Variants in NRG1 observed in about 807,000 individuals in gnomAD.
The protein encoded by NRG1 is neuregulin 1.
Under a neutral mutation model 63.8 loss-of-function variants are expected in NRG1, and 18 were observed. The observed-to-expected ratio is 0.28, with a 90% confidence interval of 0.19 to 0.42. NRG1 has a LOEUF of 0.42. NRG1 is among the 10% of genes least tolerant of loss of function. The probability of loss-of-function intolerance (pLI) is 1.00; values close to 1 mark genes in which losing one functional copy is unlikely to be tolerated. For synonymous variants in NRG1, 302 were observed against 301.3 expected (o/e 1.00, Z -0.02); for missense variants, 762 against 814.7 (o/e 0.94, Z 0.79).
chr8:32,572,186 G>A (rs1048835796), intron 1 of NRG1, among the ~76,000 whole-genome samples: 1 of 152,074 alleles, frequency 6.6e-6, no homozygotes, highest in Non-Finnish European at 1.5e-5. Flanking sequence ...GACATAAGTG[G>A]CACACTCCTG....
chr8:32,544,679 C>CTTTTTTTTTTTTTT (rs755780220), upstream of NRG1, among the ~76,000 whole-genome samples: 2 of 80,434 alleles, frequency 2.5e-5, no homozygotes, highest in African/African-American at 4.8e-5. Context: ...ATTTTTGTAT[C>CTTTTTTTTTTTTTT]TTTTTTTTTT....
At chr8:32,631,123 A>G (rs1000251117) in intron 5 of NRG1, among the ~76,000 whole-genome samples, 1 of 152,126 alleles carries the variant, frequency 6.6e-6, no homozygotes, top group African/African-American at 2.4e-5. Flanking sequence ...CTTTTATACC[A>G]GTTGTAATTT....
At chr8:31,809,667 C>CTGTAATGT (rs1265561909) in intron 1 of NRG1, among the ~76,000 whole-genome samples, 1 of 147,862 alleles carries the variant, frequency 6.8e-6, no homozygotes, top group East Asian at 2.0e-4. Context: ...TTCTTAATGG[C>CTGTAATGT]TGTAATGTAT....
At chr8:31,962,691 C>A (rs770352493) in intron 1 of NRG1, among the ~76,000 whole-genome samples, 1 of 152,148 alleles carries the variant, frequency 6.6e-6, no homozygotes, top group Non-Finnish European at 1.5e-5. Flanking sequence ...AATACACAAG[C>A]AATCAATATC....
At chr8:32,418,880 T>A (rs1234356385) in intron 1 of NRG1, among the ~76,000 whole-genome samples, 1 of 152,226 alleles carries the variant, frequency 6.6e-6, no homozygotes, top group African/African-American at 2.4e-5. Flanking sequence ...ATGAGCTTCA[T>A]CCAGCACTGG....
chr8:31,855,077 A>G (rs973629632), intron 1 of NRG1, among the ~76,000 whole-genome samples: 2 of 152,084 alleles, frequency 1.3e-5, no homozygotes, highest in African/African-American at 4.8e-5. Context: ...GCTGAAAAAA[A>G]TGTATATTCT....
chr8:32,235,075 T>C (rs747596760), intron 1 of NRG1, among the ~76,000 whole-genome samples: 18 of 151,818 alleles, frequency 1.2e-4, no homozygotes, highest in Non-Finnish European at 2.5e-4. Context: ...GGATGAAACA[T>C]GTTTTGGTCC....
At chr8:32,356,474 A>ACCCCCCCCCCCCCCCCCGGGC (rs11426642) in intron 1 of NRG1, among the ~76,000 whole-genome samples, 17 of 69,332 alleles carry the variant, frequency 2.5e-4, no homozygotes, top group East Asian at 5.7e-4. Context: ...CCTTGTTGGG[A>ACCCCCCCCCCCCCCCCCGGGC]CCCCCCCCCC....
intron 3 of NRG1, among the ~76,000 whole-genome samples, chr8:32,610,471 G>C (rs563574647): frequency 8.5e-5 from 13 of 152,230 alleles, no homozygotes; most frequent in African/African-American, 2.6e-4. Context: ...GATCATAAAA[G>C]TCTTCTGCAA....
intron 1 of NRG1, among the ~76,000 whole-genome samples, chr8:32,236,111 T>C (rs2129469350): frequency 6.6e-6 from 1 of 151,270 alleles, no homozygotes; most frequent in African/African-American, 2.4e-5. Flanking sequence ...ATTAAGATTT[T>C]TTTGTTTTTG....
intron 1 of NRG1, among the ~76,000 whole-genome samples, chr8:31,748,306 T>C (rs1459057390): frequency 6.6e-6 from 1 of 151,970 alleles, no homozygotes; most frequent in African/African-American, 2.4e-5. Context: ...CATTAACTCA[T>C]TGAGTCCTCA....
At chr8:32,571,370 A>G (rs566706738) in intron 1 of NRG1, among the ~76,000 whole-genome samples, 53 of 152,282 alleles carry the variant, frequency 3.5e-4, no homozygotes, top group African/African-American at 1.2e-3. Context: ...TTTCAACAGC[A>G]TTTTCTTATC....
intron 1 of NRG1, among the ~76,000 whole-genome samples, chr8:32,300,936 C>G (rs1855506160): frequency 6.6e-6 from 1 of 152,204 alleles, no homozygotes. Context: ...TAAGCTACAT[C>G]TACATTCTTC....
intron 1 of NRG1, among the ~76,000 whole-genome samples, chr8:31,669,241 A>G (rs1038664448): frequency 7.2e-5 from 2 of 27,728 alleles, no homozygotes; most frequent in African/African-American, 1.4e-4. Context: ...TAATTTTTGT[A>G]TTCTTTTTTT....
intron 1 of NRG1, among the ~76,000 whole-genome samples, chr8:31,762,394 C>T (rs943871233): frequency 5.9e-5 from 9 of 152,212 alleles, no homozygotes; most frequent in African/African-American, 1.9e-4. Context: ...TTTATGGCTG[C>T]AAAGTATTCC....
intron 1 of NRG1, among the ~76,000 whole-genome samples, chr8:32,412,304 T>A (rs1348307632): frequency 6.6e-6 from 1 of 151,520 alleles, no homozygotes; most frequent in Non-Finnish European, 1.5e-5. Flanking sequence ...ACTATCAGCA[T>A]TCCTGAGTCT....
intron 1 of NRG1, among the ~76,000 whole-genome samples, chr8:32,011,845 T>TTGTGAAAAAGTGC (rs1814810522): frequency 6.6e-6 from 1 of 152,130 alleles, no homozygotes; most frequent in Admixed American, 6.6e-5. Context: ...TTTTCACTAT[T>TTGTGAAAAAGTGC]TTATTCATAG....
intron 1 of NRG1, among the ~76,000 whole-genome samples, chr8:32,587,261 T>G (rs930352537): frequency 2.0e-5 from 3 of 151,646 alleles, no homozygotes; most frequent in African/African-American, 7.3e-5. Context: ...TTTCTTGCAA[T>G]AATACAAGAA....
intron 1 of NRG1, among the ~76,000 whole-genome samples, chr8:31,984,318 C>T (rs1809669015): frequency 2.0e-5 from 3 of 151,908 alleles, no homozygotes; most frequent in African/African-American, 7.2e-5. Context: ...TTCCTTAAGC[C>T]CCCTTTCATA....
Sources: allele counts gnomAD v4.1 joint callset (sites outside exome capture counted in the v4.1 genomes callset), GRCh38; gene constraint gnomAD v4.1.1; transcripts MANE v1.5; gene names NCBI Gene and HGNC (gene_info 2026-07-23, HGNC 2026-07-21).